PTGFRN: variants seen among roughly 807,000 people sequenced by gnomAD.
PTGFRN encodes prostaglandin F2 receptor inhibitor.
PTGFRN carries 35 observed loss-of-function variants against 83.2 expected under a neutral mutation model. The ratio of observed to expected loss-of-function variants is 0.42; its 90% CI spans 0.32 to 0.56. The LOEUF (loss-of-function observed/expected upper bound fraction) is 0.56. Ranked by LOEUF, PTGFRN falls within the 20% of genes least tolerant of loss-of-function variation. The pLI is 0.11. For missense variants in PTGFRN, 1,051 were observed against 1,179.5 expected (o/e 0.89, Z 1.60); for synonymous variants, 519 against 498.6 (o/e 1.04, Z -0.55).
intron 6 of PTGFRN, among the ~76,000 whole-genome samples, chr1:116,971,982 T>A (rs536775242): frequency 1.3e-5 from 2 of 152,052 alleles, no homozygotes; most frequent in African/African-American, 2.4e-5. Flanking sequence ...AAATTTCTAA[T>A]CTGAGAAAAA....
intron 1 of PTGFRN, among the ~76,000 whole-genome samples, chr1:116,917,284 G>A (rs1649428615): frequency 6.6e-6 from 1 of 150,482 alleles, no homozygotes; most frequent in Non-Finnish European, 1.5e-5. Context: ...AGTGGCTCAG[G>A]GCACGGCAGA....
rs751132289 is a variant in PTGFRN at position 116,910,251 on chromosome 1, G to C, written c.48G>C (p.Leu16Phe). The stretch of plus-strand genomic sequence containing the variant: ...CGCTGCTGCTGGCGCTCCTGTCGTT[G>C]GGTGAGTGTGCGCGGGGCTCAGCGG... ...SRPLLLALLS[L>F]ALCRGRVVRV... Residue 16 changes from leucine to phenylalanine, a missense_variant and splice_region_variant, in exon 1 of 9, where the codon TTG becomes TTC. Physicochemically the swap from Leu to Phe is conservative, Grantham distance 22. This residue lies in a region of PTGFRN where 127 missense variants were observed against 168.4 expected (regional missense o/e 0.75). Transcript: ENST00000393203. 29 of 1,444,588 alleles carry C rather than the reference G, an allele frequency of 2.0e-5. 1 individual carries two copies. In the South Asian group the frequency reaches 4.0e-4, roughly 20 times the overall value. The allele number at this position is 1,444,588 out of a possible 1,614,324, so 89.5% of individuals were successfully genotyped here.
chr1:116,987,460 C>T lies in PTGFRN; in HGVS notation c.*493C>T, dbSNP rs74873663. 1,400 of 158,414 alleles carry T rather than the reference C, an allele frequency of 8.8e-3. 27 individuals carry two copies. Among genetic ancestry groups the T allele is most frequent in the African/African-American group, 0.032 (1,351 of 41,598 alleles). The allele number at this position is 158,414 out of a possible 1,614,324, so 9.8% of individuals were successfully genotyped here. On this transcript the variant is annotated 3_prime_UTR_variant, in exon 9 of 9. Transcript: ENST00000393203. ...GCTGACAGACAACACAGACCTGTGC[C>T]GAAGGCTAATTTGTGGCTTTTACGA...
chr1:116,926,221 A>T (rs1649658657), intron 1 of PTGFRN, among the ~76,000 whole-genome samples: 1 of 152,232 alleles, frequency 6.6e-6, no homozygotes, highest in African/African-American at 2.4e-5. Context: ...GGTGCCTTTT[A>T]TGCTCATATG....
intron 7 of PTGFRN, among the ~76,000 whole-genome samples, chr1:116,977,298 C>T (rs1045909352): frequency 2.6e-5 from 4 of 152,164 alleles, no homozygotes; most frequent in East Asian, 3.9e-4. Context: ...CCACTGTCAG[C>T]ATTAGACAAA....
Position 116,949,535 on chromosome 1 carries a change from C to G in PTGFRN, c.1176C>G (p.Ala392=). The G allele has an allele frequency of 6.2e-7, 1 of 1,613,812 alleles. No individual in the cohort carries two copies. The highest frequency in any genetic ancestry group is 8.5e-7 in the Non-Finnish European group (1 of 1,179,982). The change falls in exon 4 of 9, where the codon GCC becomes GCG. Residue 392 remains alanine (A), a synonymous_variant. Coordinates refer to ENST00000393203, the MANE Select transcript of PTGFRN (RefSeq NM_020440.4). The stretch of plus-strand genomic sequence containing the variant: ...GGAGCTGGCACAAAGTGGCAGAGGC[C>G]GTGTCTTCCCCAGCTGGTGTGGGTG... ...HNRSWHKVAE[A]VSSPAGVGVT...
At position 116,910,119 on chromosome 1, in the gene PTGFRN, T is replaced by C; in HGVS notation, c.-85T>C. On this transcript the variant is annotated 5_prime_UTR_variant, in exon 1 of 9. Coordinates refer to ENST00000393203, the MANE Select transcript of PTGFRN (RefSeq NM_020440.4). ...GGCCCAGGCGGAGGAGCGCCGACTCTGGAGCAGCCGGAGCTGGAAGAGGAG... is the reference window on the plus strand; with the variant it reads ...GGCCCAGGCGGAGGAGCGCCGACTCCGGAGCAGCCGGAGCTGGAAGAGGAG... 7.0e-7 allele frequency: 1 copy of C among 1,429,310 alleles called. No individual in the cohort carries two copies. Among genetic ancestry groups the C allele is most frequent in the Non-Finnish European group, 9.4e-7 (1 of 1,059,716 alleles). The allele number at this position is 1,429,310 out of a possible 1,614,324, so 88.5% of individuals were successfully genotyped here.
At chr1:116,945,143 A>G (rs1183513455) in intron 3 of PTGFRN, 51 bp downstream of exon 3, 1 of 1,545,124 alleles carries the variant, frequency 6.5e-7, no homozygotes, top group Non-Finnish European at 8.7e-7. Flanking sequence ...GACTAATGAT[A>G]GTGATACAAA....
At position 116,988,084 on chromosome 1, in the gene PTGFRN, AGACT is replaced by A. The variant is rs1651562511; in HGVS notation, c.*1126_*1129del. On this transcript the variant is annotated 3_prime_UTR_variant, in exon 9 of 9. Transcript: ENST00000393203. ...ACCTGAAGGCAAATTGCTACTTGCA[AGACT>A]GACTGACTTCAAGGAATCAGAAATT... is the stretch of plus-strand genomic sequence containing the variant. The A allele has an allele frequency of 6.6e-6, 1 of 152,242 alleles. No homozygotes were observed. Among genetic ancestry groups the A allele is most frequent in the African/African-American group, 2.4e-5 (1 of 41,460 alleles). The allele number at this position is 152,242 out of a possible 1,614,324, so 9.4% of individuals were successfully genotyped here. A position where few individuals can be genotyped will look rare whatever the true frequency, so the allele number is the denominator to read the frequency against.
At chr1:116,956,860 C>A (rs1650511762) in intron 4 of PTGFRN, among the ~76,000 whole-genome samples, 1 of 152,092 alleles carries the variant, frequency 6.6e-6, no homozygotes, top group Non-Finnish European at 1.5e-5. Context: ...CTTCTATTTG[C>A]AAATATTCAT....
chr1:116,933,089 T>G (rs1387438999), intron 1 of PTGFRN, among the ~76,000 whole-genome samples: 1 of 152,222 alleles, frequency 6.6e-6, no homozygotes, highest in African/African-American at 2.4e-5. Flanking sequence ...TCTTACTCGA[T>G]TCTAATATTG....
chr1:116,983,430 A>G (rs1651374793), intron 7 of PTGFRN, among the ~76,000 whole-genome samples: 1 of 148,902 alleles, frequency 6.7e-6, no homozygotes, highest in Non-Finnish European at 1.5e-5. Flanking sequence ...GCACTGTGAG[A>G]GCATGAGGCT....
rs1038302605 is a variant in PTGFRN at position 116,986,985 on chromosome 1, G to A, written c.*18G>A. 3 of 1,613,818 alleles carry A rather than the reference G, an allele frequency of 1.9e-6. No individual in the cohort carries two copies. The highest frequency in any genetic ancestry group is 2.2e-5 in the South Asian group (2 of 91,054). ...TGGACTAGGCTGGCCCGGGAGGGGA[G>A]TGACAGAGGGACGTTCTAGGAGCAA... On this transcript the variant is annotated 3_prime_UTR_variant, in exon 9 of 9. Transcript: ENST00000393203.
At chr1:116,925,117 G>T (rs1649620820) in intron 1 of PTGFRN, among the ~76,000 whole-genome samples, 1 of 152,170 alleles carries the variant, frequency 6.6e-6, no homozygotes, top group Non-Finnish European at 1.5e-5. Context: ...ACTTTAGGCA[G>T]AGGGAAGAGC....
intron 6 of PTGFRN, 44 bp downstream of exon 6, chr1:116,967,374 A>G (rs746503695): frequency 2.6e-6 from 4 of 1,549,718 alleles, no homozygotes; most frequent in South Asian, 2.5e-5. Context: ...GCTAGAAGAG[A>G]CCCTAGGGTT....
chr1:116,910,102 C>T lies in PTGFRN; in HGVS notation c.-102C>T. 1 of 1,282,148 alleles carries T rather than the reference C, an allele frequency of 7.8e-7. No individual in the cohort carries two copies. Among genetic ancestry groups the T allele is most frequent in the Non-Finnish European group, 1.1e-6 (1 of 927,688 alleles). 79.4% of individuals were successfully genotyped at this position (1,282,148 alleles called of 1,614,324 possible). ...GAGCGGAGCAGGCGCGCGGCCCAGG[C>T]GGAGGAGCGCCGACTCTGGAGCAGC... is the stretch of plus-strand genomic sequence containing the variant. On this transcript the variant is annotated 5_prime_UTR_variant, in exon 1 of 9. Transcript: ENST00000393203.
chr1:116,962,303 A>G (rs965820348), intron 5 of PTGFRN: 1 of 152,302 alleles, frequency 6.6e-6, no homozygotes, highest in African/African-American at 2.4e-5. Flanking sequence ...TAACTTCAGT[A>G]TCTGTGTAGA....
chr1:116,948,099 C>G (rs1650246887), intron 3 of PTGFRN, among the ~76,000 whole-genome samples: 1 of 152,208 alleles, frequency 6.6e-6, no homozygotes, highest in Non-Finnish European at 1.5e-5. Context: ...CAGCGCCATG[C>G]CGTTGATGCC....
rs1231865794 is a variant in PTGFRN at position 116,923,280 on chromosome 1, A to C, written c.49+13028A>C. Reference sequence around the variant, plus strand: ...TTAAAATTGTGGACGTTAAGTTATAACAGGGGCAGAAGATATCTATGTGTC... The same window carrying C: ...TTAAAATTGTGGACGTTAAGTTATACCAGGGGCAGAAGATATCTATGTGTC... On this transcript the variant is annotated intron_variant, in intron 1 of 8. Coordinates refer to ENST00000393203, the MANE Select transcript of PTGFRN (RefSeq NM_020440.4). The surrounding 1 kb of genome is among the most constrained non-coding windows in gnomAD (Gnocchi z 4.0). Among the ~76,000 whole-genome samples the C allele has an allele frequency of 6.6e-6, 1 of 152,230 alleles. No individual in the cohort carries two copies. Among genetic ancestry groups the C allele is most frequent in the Non-Finnish European group, 1.5e-5 (1 of 68,036 alleles).
Sources: gnomAD v4.1 joint callset for allele counts (sites outside exome capture counted in the v4.1 genomes callset) on GRCh38, gnomAD v4.1.1 for gene constraint, gnomAD v4.1.1 regional missense constraint, Gnocchi (gnomAD v3.1) non-coding constraint, MANE v1.5 for transcripts, NCBI Gene and HGNC (gene_info 2026-07-23, HGNC 2026-07-21) for gene names.